PC: variants seen among roughly 807,000 people sequenced by gnomAD.
PC encodes pyruvate carboxylase.
PC carries 46 observed loss-of-function variants against 107.8 expected under a neutral mutation model. That is an observed-to-expected ratio of 0.43 (90% CI 0.34 to 0.55). PC has a LOEUF of 0.55. Ranked by LOEUF, PC falls within the 20% of genes least tolerant of loss-of-function variation. The pLI is 0.04. For missense variants in PC, 1,241 were observed against 1,643.1 expected (o/e 0.76, Z 4.23); for synonymous variants, 662 against 684.7 (o/e 0.97, Z 0.52).
chr11:66,892,496 T>C (rs1478951220), intron 3 of PC, among the ~76,000 whole-genome samples: 1 of 152,210 alleles, frequency 6.6e-6, no homozygotes, highest in Non-Finnish European at 1.5e-5. Context: ...TTGCCACAGC[T>C]GCTCCAAGGA....
intron 16 of PC, 109 bp downstream of exon 16, chr11:66,851,681 A>G: frequency 8.4e-7 from 1 of 1,189,086 alleles, no homozygotes; most frequent in Non-Finnish European, 1.2e-6. Context: ...GTGTGGCCAC[A>G]GAGAGACTTG....
At chr11:66,936,016 C>T (rs981720054) in intron 3 of PC, among the ~76,000 whole-genome samples, 1 of 149,654 alleles carries the variant, frequency 6.7e-6, no homozygotes, top group Admixed American at 6.7e-5. Flanking sequence ...GAAGTTGAGG[C>T]TGCAGTGAGC....
At chr11:66,897,488 C>T (rs1947800691) in intron 3 of PC, among the ~76,000 whole-genome samples, 1 of 152,194 alleles carries the variant, frequency 6.6e-6, no homozygotes, top group South Asian at 2.1e-4. Context: ...AGGAGAATTG[C>T]TTAAACCCGG....
At chr11:66,943,808 C>T (rs927729209) in intron 3 of PC, among the ~76,000 whole-genome samples, 2 of 122,650 alleles carry the variant, frequency 1.6e-5, no homozygotes, top group Non-Finnish European at 3.5e-5. Context: ...CATGGTGAAA[C>T]CCCGTTTCTA....
intron 3 of PC, among the ~76,000 whole-genome samples, chr11:66,895,972 G>C (rs533346338): frequency 5.9e-5 from 9 of 152,260 alleles, no homozygotes; most frequent in African/African-American, 2.2e-4. Flanking sequence ...AAAGACAAAA[G>C]TATCAGAAAT....
intron 3 of PC, among the ~76,000 whole-genome samples, chr11:66,906,638 C>T (rs570127379): frequency 7.2e-5 from 11 of 152,104 alleles, no homozygotes; most frequent in African/African-American, 1.9e-4. Context: ...TTTCCCCCTA[C>T]GAGCATGCCC....
intron 3 of PC, among the ~76,000 whole-genome samples, chr11:66,916,331 C>T (rs1361157077): frequency 1.3e-5 from 2 of 152,168 alleles, no homozygotes; most frequent in African/African-American, 4.8e-5. Flanking sequence ...GGTGATCCTC[C>T]GACCTCGGCC....
Position 66,950,007 on chromosome 11 carries a change from C to G in PC, c.-1+2423G>C, listed in dbSNP as rs182526497. On this transcript the variant is annotated intron_variant, in intron 3 of 22. Transcript: ENST00000393960. ...TGAACCTCTGGTTCCTCACACATTG[C>G]AAGAGACAAATATTTTCCAGAATAA... Among the ~76,000 whole-genome samples the G allele has an allele frequency of 3.9e-5, 6 of 152,130 alleles. No homozygotes were observed. In the East Asian group the frequency reaches 1.2e-3, roughly 29 times the overall value.
At chr11:66,914,316 A>G (rs2136077516) in intron 3 of PC, among the ~76,000 whole-genome samples, 1 of 152,296 alleles carries the variant, frequency 6.6e-6, no homozygotes, top group Non-Finnish European at 1.5e-5. Flanking sequence ...GTTCGAGACC[A>G]GCCTGGCCAA....
At chr11:66,918,941 A>C (rs538617813) in intron 3 of PC, among the ~76,000 whole-genome samples, 1 of 152,086 alleles carries the variant, frequency 6.6e-6, no homozygotes, top group African/African-American at 2.4e-5. Flanking sequence ...CTAATAGGGC[A>C]GCTCAGAGAG....
chr11:66,889,802 C>T (rs576706960), intron 3 of PC, among the ~76,000 whole-genome samples: 1 of 152,276 alleles, frequency 6.6e-6, no homozygotes, highest in African/African-American at 2.4e-5. Context: ...CTCCTTTTCT[C>T]CCAGGGGGCC....
intron 11 of PC, among the ~76,000 whole-genome samples, chr11:66,864,462 A>C (rs537945588): frequency 3.5e-4 from 53 of 152,376 alleles, no homozygotes; most frequent in African/African-American, 1.1e-3. Flanking sequence ...GGCAAGAGGC[A>C]AGGCTGACCG....
intron 3 of PC, among the ~76,000 whole-genome samples, chr11:66,880,739 G>A (rs1947156853): frequency 6.6e-6 from 1 of 152,254 alleles, no homozygotes; most frequent in South Asian, 2.1e-4. Flanking sequence ...CAGGAAGCAG[G>A]GGGCAGCAAT....
rs1165168267 is a variant in PC, at chr11:66,929,613, C to G, written c.-1+22817G>C. On this transcript the variant is annotated intron_variant, in intron 3 of 22. Transcript: ENST00000393960. ...AACTCCTGAACTCAAGTGACCCACC[C>G]ACCTCGGCCTCCCAAAGTGCTGGGA... Among the ~76,000 whole-genome samples, 11 of 152,248 alleles carry G rather than the reference C, an allele frequency of 7.2e-5. No individual in the cohort carries two copies. In the South Asian group the frequency reaches 2.1e-3, roughly 29 times the overall value.
At chr11:66,851,408 G>T (rs1267037759) in intron 16 of PC, 128 bp from the exon 17 acceptor site, 3 of 1,394,438 alleles carry the variant, frequency 2.2e-6, no homozygotes, top group Non-Finnish European at 3.0e-6. Flanking sequence ...CTGGCAGGGG[G>T]TGTGGCATCC....
chr11:66,868,811 C>T (rs369155685), intron 10 of PC, 35 bp downstream of exon 10: 42 of 1,538,916 alleles, frequency 2.7e-5, no homozygotes, highest in Admixed American at 2.7e-4. Context: ...TCCTAGAAGC[C>T]GCGCCTCCCG....
At position 66,925,154 on chromosome 11, in the gene PC, A is replaced by C. The variant is rs781482955; in HGVS notation, c.-1+27276T>G. Among the ~76,000 whole-genome samples, 4 of 152,196 alleles carry C rather than the reference A, an allele frequency of 2.6e-5. No homozygotes were observed. The East Asian group carries it at 5.8e-4, about 22-fold the overall frequency. On this transcript the variant is annotated intron_variant, in intron 3 of 22. Coordinates refer to ENST00000393960, the MANE Select transcript of PC (RefSeq NM_001040716.2). The stretch of plus-strand genomic sequence containing the variant: ...CACAGGACCACAGGACCGGGGTGAA[A>C]TTAAAATTGCTAATGAAGTTTCGGG...
intron 3 of PC, among the ~76,000 whole-genome samples, chr11:66,935,180 A>C (rs889723568): frequency 6.6e-6 from 1 of 152,254 alleles, no homozygotes; most frequent in Non-Finnish European, 1.5e-5. Context: ...CTGCCCAGTA[A>C]TAACTTGTCC....
chr11:66,923,403 C>T (rs1408830774), intron 3 of PC, among the ~76,000 whole-genome samples: 3 of 149,172 alleles, frequency 2.0e-5, no homozygotes, highest in African/African-American at 4.9e-5. Flanking sequence ...AAAAAGAAGT[C>T]GTGCTAGGCA....
Sources: allele counts gnomAD v4.1 joint callset (sites outside exome capture counted in the v4.1 genomes callset), GRCh38; gene constraint gnomAD v4.1.1; transcripts MANE v1.5; gene names NCBI Gene and HGNC (gene_info 2026-07-23, HGNC 2026-07-21).